The following TBC1D13 variants were observed in gnomAD, a reference collection of about 807,000 sequenced individuals.
TBC1D13 encodes epididymis secretory sperm binding protein.
In TBC1D13, 40 loss-of-function variants were observed where a neutral mutation model predicts 53.6. The ratio of observed to expected loss-of-function variants is 0.75; its 90% CI spans 0.58 to 0.97. The LOEUF is 0.97. TBC1D13 is among the 50% of genes least tolerant of loss of function. The pLI, the probability that TBC1D13 is intolerant of heterozygous loss-of-function variation, is 0.00. For missense variants in TBC1D13, 377 were observed against 499.4 expected (o/e 0.75, Z 2.34); for synonymous variants, 182 against 197.7 (o/e 0.92, Z 0.67).
rs918667335 is a variant in TBC1D13 at position 128,808,724 on chromosome 9, G to C, written c.*845G>C. On this transcript the variant is annotated 3_prime_UTR_variant, in exon 12 of 12. Coordinates refer to ENST00000372648, the MANE Select transcript of TBC1D13 (RefSeq NM_018201.5). ...CCCCTGGAGGTCAAGCTTGGCCTTT[G>C]CCTCCTGTTCCCATCCCCCAGCCCT... 1.3e-5 allele frequency: 2 copies of C among 152,332 alleles called. No individual in the cohort carries two copies. The highest frequency in any genetic ancestry group is 2.9e-5 in the Non-Finnish European group (2 of 68,212). The allele number at this position is 152,332 out of a possible 1,614,324, so 9.4% of individuals were successfully genotyped here. A position where few individuals can be genotyped will look rare whatever the true frequency, so the allele number is the denominator to read the frequency against.
intron 2 of TBC1D13, among the ~76,000 whole-genome samples, chr9:128,788,789 G>A (rs1829476741): frequency 1.3e-5 from 2 of 152,120 alleles, no homozygotes; most frequent in Admixed American, 6.6e-5. Flanking sequence ...TGGTGAGTTT[G>A]GTTAACTGCA....
chr9:128,809,582 T>C lies in TBC1D13; in HGVS notation c.*1703T>C, dbSNP rs1480047823. ...CCAGAGCACAGTATTTGGGAGACTT[T>C]GACTATTTATTCAGACTCCTGGCTA... is the stretch of plus-strand genomic sequence containing the variant. On this transcript the variant is annotated 3_prime_UTR_variant, in exon 12 of 12. Coordinates refer to ENST00000372648, the MANE Select transcript of TBC1D13 (RefSeq NM_018201.5). 3 of 152,224 alleles carry C rather than the reference T, an allele frequency of 2.0e-5. No homozygotes were observed. Among genetic ancestry groups the C allele is most frequent in the Non-Finnish European group, 2.9e-5 (2 of 68,046 alleles). The allele number at this position is 152,224 out of a possible 1,614,324, so 9.4% of individuals were successfully genotyped here.
In TBC1D13 at chr9:128,807,903, C is replaced by T. The variant is rs1363155924; in HGVS notation, c.*24C>T. On this transcript the variant is annotated 3_prime_UTR_variant, in exon 12 of 12. Transcript: ENST00000372648. ...AGCCCGGCGGCAAGAGGCCCATGTT[C>T]CGGAGAGAAGCCTCCCGACCCTGTG... is the stretch of plus-strand genomic sequence containing the variant. 19 of 1,612,130 alleles carry T rather than the reference C, an allele frequency of 1.2e-5. No individual in the cohort carries two copies. The highest frequency in any genetic ancestry group is 5.0e-5 in the Admixed American group (3 of 59,988).
chr9:128,791,567 A>C (rs762097138), intron 4 of TBC1D13, 27 bp from the exon 5 acceptor site: 28 of 1,613,134 alleles, frequency 1.7e-5, no homozygotes, highest in Non-Finnish European at 2.3e-5. Flanking sequence ...ACCGTTGGGA[A>C]TCATCCTTCT....
At chr9:128,795,768 T>A (rs1829619382) in intron 6 of TBC1D13, among the ~76,000 whole-genome samples, 1 of 151,770 alleles carries the variant, frequency 6.6e-6, no homozygotes, top group African/African-American at 2.4e-5. Flanking sequence ...CCCCAACTAA[T>A]TTTTTTTACA....
chr9:128,789,360 A>G (rs376809855), intron 2 of TBC1D13, among the ~76,000 whole-genome samples: 13 of 148,526 alleles, frequency 8.8e-5, no homozygotes, highest in East Asian at 6.0e-4. Context: ...TGTCCCTGTC[A>G]TCCTCATATA....
rs1297525782 is a variant in TBC1D13, at chr9:128,791,448, C to T, written c.200+7C>T. ...CCATCCTGGCCAAGCAGAGGTGAGA[C>T]CCCGTGTAAGGGCAGTGACAGGAGG... On this transcript the variant is annotated splice_region_variant and intron_variant, in intron 4 of 11. Transcript: ENST00000372648. 1.9e-6 allele frequency: 3 copies of T among 1,614,084 alleles called. No homozygotes were observed. The highest frequency in any genetic ancestry group is 2.2e-5 in the South Asian group (2 of 91,076).
chr9:128,807,939 C>A lies in TBC1D13; in HGVS notation c.*60C>A. On this transcript the variant is annotated 3_prime_UTR_variant, in exon 12 of 12. Transcript: ENST00000372648. ...CCTCCCGACCCTGTGCCCTGGCTCC[C>A]GGGACACATAGAAACCTGTAGGAAC... 6.5e-7 allele frequency: 1 copy of A among 1,547,054 alleles called. No homozygotes were observed. Among genetic ancestry groups the A allele is most frequent in the Non-Finnish European group, 8.9e-7 (1 of 1,121,080 alleles).
Position 128,807,956 on chromosome 9 carries a change from T to C in TBC1D13, c.*77T>C. On this transcript the variant is annotated 3_prime_UTR_variant, in exon 12 of 12. Transcript: ENST00000372648. Reference sequence around the variant, plus strand: ...CTGGCTCCCGGGACACATAGAAACCTGTAGGAACCCAGCCTGAGGGGAAGC... The same window carrying C: ...CTGGCTCCCGGGACACATAGAAACCCGTAGGAACCCAGCCTGAGGGGAAGC... 1 of 1,418,614 alleles carries C rather than the reference T, an allele frequency of 7.0e-7. No homozygotes were observed. The highest frequency in any genetic ancestry group is 9.9e-7 in the Non-Finnish European group (1 of 1,008,890). The allele number at this position is 1,418,614 out of a possible 1,614,324, so 87.9% of individuals were successfully genotyped here. A position where few individuals can be genotyped will look rare whatever the true frequency, so the allele number is the denominator to read the frequency against.
intron 9 of TBC1D13, among the ~76,000 whole-genome samples, chr9:128,804,787 G>C (rs182108080): frequency 5.6e-5 from 8 of 142,222 alleles, no homozygotes; most frequent in Non-Finnish European, 1.2e-4. Context: ...GGAGTGCAGT[G>C]GTGCAATCTC....
chr9:128,795,001 G>A (rs1829602108), intron 6 of TBC1D13, among the ~76,000 whole-genome samples: 1 of 151,304 alleles, frequency 6.6e-6, no homozygotes, highest in African/African-American at 2.4e-5. Flanking sequence ...GAAACTTATG[G>A]AACCAAATCT....
chr9:128,789,944 GAGAAGGTGTTATC>G (rs1237984293), intron 2 of TBC1D13: 4 of 151,940 alleles, frequency 2.6e-5, no homozygotes. Context: ...TATCAAGGAT[GAGAAGGTGTTATC>G]CTCAAAAGAA....
At position 128,803,343 on chromosome 9, in the gene TBC1D13, C is replaced by T. The variant is rs984004429; in HGVS notation, c.637C>T (p.Arg213Trp). Residue 213 changes from arginine (R) to tryptophan (W), a missense_variant, in exon 8 of 12, where the codon CGG (arginine) becomes TGG (tryptophan). Physicochemically the swap from Arg to Trp is moderately radical, Grantham distance 101. Transcript: ENST00000372648. ...TGAGGCCCACTGGGAGGTGGTGGAG[C>T]GGATCCTGTTCATCTACGCCAAGCT... Reference protein sequence around the residue: ...GCEAHWEVVERILFIYAKLNP... With the variant: ...GCEAHWEVVEWILFIYAKLNP... 2.6e-5 allele frequency: 42 copies of T among 1,614,192 alleles called. No homozygotes were observed. Among genetic ancestry groups the T allele is most frequent in the Non-Finnish European group, 3.1e-5 (37 of 1,180,038 alleles).
At chr9:128,800,699 G>A (rs894594826) in intron 7 of TBC1D13, among the ~76,000 whole-genome samples, 6 of 152,126 alleles carry the variant, frequency 3.9e-5, no homozygotes, top group African/African-American at 1.4e-4. Context: ...ATTCAGGAAA[G>A]TTGAAAGGAG....
At chr9:128,789,316 CAAAAAAA>C (rs10648259) in intron 2 of TBC1D13, among the ~76,000 whole-genome samples, 2 of 83,398 alleles carry the variant, frequency 2.4e-5, no homozygotes, top group Non-Finnish European at 4.2e-5. Flanking sequence ...AGCTCCATCT[CAAAAAAA>C]AAAAAAAAAA....
rs1343965145 is a variant in TBC1D13, at chr9:128,788,332, A to G, written c.24-2A>G. ...CATTTGCCGCCCTATCTCCCCTTCC[A>G]GAATTGCAGATTTCCAGGATGTCCT... On this transcript the variant is annotated splice_acceptor_variant, in intron 1 of 11. Transcript: ENST00000372648. LOFTEE classifies it high-confidence loss of function. The G allele has an allele frequency of 1.2e-6, 2 of 1,614,072 alleles. No individual in the cohort carries two copies. Among genetic ancestry groups the G allele is most frequent in the Non-Finnish European group, 1.7e-6 (2 of 1,179,938 alleles).
intron 9 of TBC1D13, 32 bp downstream of exon 9, chr9:128,804,151 G>C (rs1455017888): frequency 2.5e-6 from 4 of 1,608,170 alleles, no homozygotes; most frequent in Non-Finnish European, 3.4e-6. Flanking sequence ...GGGTGGAAAG[G>C]GACAGGAGGC....
intron 6 of TBC1D13, 51 bp from the exon 7 acceptor site, chr9:128,797,004 C>A: frequency 6.2e-7 from 1 of 1,600,226 alleles, no homozygotes. Flanking sequence ...GATGGGATGG[C>A]GAAAACTTCC....
intron 7 of TBC1D13, among the ~76,000 whole-genome samples, chr9:128,798,250 C>CAA (rs199705725): frequency 2.8e-5 from 4 of 140,870 alleles, no homozygotes; most frequent in African/African-American, 1.0e-4. Flanking sequence ...GAGACCCTGT[C>CAA]AAAAAAAAAA....
Sources: allele counts gnomAD v4.1 joint callset (sites outside exome capture counted in the v4.1 genomes callset), GRCh38; gene constraint gnomAD v4.1.1; transcripts MANE v1.5; gene names NCBI Gene and HGNC (gene_info 2026-07-23, HGNC 2026-07-21).